TBC1D22B: variants seen among roughly 807,000 people sequenced by gnomAD.
TBC1D22B encodes TBC1 domain family member 22B, also known as chromosome 6 open reading frame 197.
A neutral mutation model predicts 69.1 loss-of-function variants in TBC1D22B; 32 were observed. That is an observed-to-expected ratio of 0.46 (90% confidence interval 0.35 to 0.62). The LOEUF (loss-of-function observed/expected upper bound fraction) is 0.62. Ranked by LOEUF, TBC1D22B falls within the 20% of genes least tolerant of loss-of-function variation. TBC1D22B has a pLI of 0.00. For synonymous variants in TBC1D22B, 206 were observed against 229.8 expected (o/e 0.90, Z 0.94); for missense variants, 462 against 630.9 (o/e 0.73, Z 2.87).
chr6:37,327,058 A>G (rs1768426547), intron 12 of TBC1D22B, among the ~76,000 whole-genome samples: 1 of 152,126 alleles, frequency 6.6e-6, no homozygotes, highest in Admixed American at 6.5e-5. Flanking sequence ...GTTGTGGGAT[A>G]GGGACATGGT....
At chr6:37,296,236 T>C (rs189707738) in intron 8 of TBC1D22B, among the ~76,000 whole-genome samples, 235 of 152,318 alleles carry the variant, frequency 1.5e-3, no homozygotes, top group African/African-American at 5.5e-3. Flanking sequence ...TACTCCTGCC[T>C]GGGCAACAGA....
chr6:37,294,491 T>A (rs1767293020), intron 8 of TBC1D22B, among the ~76,000 whole-genome samples: 1 of 152,152 alleles, frequency 6.6e-6, no homozygotes, highest in South Asian at 2.1e-4. Flanking sequence ...TCTAGGACTT[T>A]CATAGCTAGA....
intron 12 of TBC1D22B, chr6:37,324,163 T>A: frequency 1.0e-5 from 4 of 388,992 alleles, no homozygotes; most frequent in Non-Finnish European, 2.1e-5. Context: ...AAAGTTCCAG[T>A]ACTGCAAAGT....
At chr6:37,299,616 T>C (rs1468335184) in intron 8 of TBC1D22B, among the ~76,000 whole-genome samples, 2 of 152,220 alleles carry the variant, frequency 1.3e-5, no homozygotes, top group Non-Finnish European at 2.9e-5. Context: ...CACCAGATAA[T>C]TGCAAACTGT....
rs1767166114 is a variant in TBC1D22B, at chr6:37,291,164, T to C, written c.868-79T>C. On this transcript the variant is annotated intron_variant, in intron 7 of 12. Transcript: ENST00000373491. ...AATTCTACACCAACCTGGAGGTAAA[T>C]TGTGAAGTAGGTAAACGGAGGGAAG... The C allele has an allele frequency of 3.0e-6, 3 of 1,003,750 alleles. No homozygotes were observed. In the African/African-American group the frequency reaches 4.8e-5, roughly 16 times the overall value. 62.2% of individuals were successfully genotyped at this position (1,003,750 alleles called of 1,614,324 possible).
chr6:37,282,448 T>C (rs920400917), intron 4 of TBC1D22B, 84 bp downstream of exon 4: 3 of 1,431,790 alleles, frequency 2.1e-6, no homozygotes, highest in Non-Finnish European at 2.8e-6. Flanking sequence ...TCTTTATTCT[T>C]CCTTCTTTTA....
chr6:37,320,032 G>A (rs1387334254), intron 12 of TBC1D22B, among the ~76,000 whole-genome samples: 1 of 152,210 alleles, frequency 6.6e-6, no homozygotes, highest in Non-Finnish European at 1.5e-5. Context: ...AGGGCTAAAA[G>A]CCACGTTAAG....
intron 12 of TBC1D22B, among the ~76,000 whole-genome samples, chr6:37,325,021 T>A (rs1302070740): frequency 1.3e-5 from 2 of 152,238 alleles, no homozygotes; most frequent in African/African-American, 4.8e-5. Context: ...TTATACTGAT[T>A]ATCTTTGGTG....
At position 37,299,377 on chromosome 6, in the gene TBC1D22B, T is replaced by G. The variant is rs73730592; in HGVS notation, c.982+8020T>G. On this transcript the variant is annotated intron_variant, in intron 8 of 12. Transcript: ENST00000373491. ...AATTGTTAATACTCAACCTTTTTTT[T>G]ACCGCCCAACATGGGAATTTTATGT... 6.7e-3 allele frequency among the ~76,000 whole-genome samples: 1,015 copies of G among 152,366 alleles called. 11 individuals carry two copies. The highest frequency in any genetic ancestry group is 0.023 in the African/African-American group (954 of 41,584).
At chr6:37,317,835 G>T (rs2113786375) in intron 12 of TBC1D22B, among the ~76,000 whole-genome samples, 1 of 152,266 alleles carries the variant, frequency 6.6e-6, no homozygotes, top group Middle Eastern at 3.4e-3. Flanking sequence ...TCTAGGCAGA[G>T]GAAACAGCCA....
At chr6:37,321,049 G>T (rs1204223589) in intron 12 of TBC1D22B, among the ~76,000 whole-genome samples, 1 of 152,176 alleles carries the variant, frequency 6.6e-6, no homozygotes, top group Non-Finnish European at 1.5e-5. Context: ...ATTTCGTGAG[G>T]CTCAATCTAA....
chr6:37,298,694 C>T (rs892512470), intron 8 of TBC1D22B, among the ~76,000 whole-genome samples: 6 of 151,936 alleles, frequency 3.9e-5, no homozygotes, highest in African/African-American at 9.7e-5. Context: ...TACAGGCGCC[C>T]GCCACCACGC....
chr6:37,324,054 T>C (rs943033428), intron 12 of TBC1D22B, among the ~76,000 whole-genome samples: 1 of 152,260 alleles, frequency 6.6e-6, no homozygotes, highest in Admixed American at 6.5e-5. Context: ...AATGTTTTAC[T>C]ACCTCACTGA....
At chr6:37,268,371 G>A (rs367608019) in intron 1 of TBC1D22B, among the ~76,000 whole-genome samples, 195 of 152,206 alleles carry the variant, frequency 1.3e-3, no homozygotes, top group African/African-American at 4.5e-3. Flanking sequence ...TGAGGCTACA[G>A]ACGTGCAGCA....
At chr6:37,331,019 A>G (rs866046186) in intron 12 of TBC1D22B, 25 bp from the exon 13 acceptor site, 3 of 1,613,456 alleles carry the variant, frequency 1.9e-6, no homozygotes, top group Middle Eastern at 3.3e-4. Context: ...CTGGTATGAT[A>G]TAAAAGTCCT....
intron 1 of TBC1D22B, among the ~76,000 whole-genome samples, chr6:37,268,077 T>A (rs1414397910): frequency 6.6e-6 from 1 of 152,254 alleles, no homozygotes; most frequent in East Asian, 1.9e-4. Flanking sequence ...TCATGATTAG[T>A]TGAAGTTTGT....
At chr6:37,286,638 A>AT (rs1767015783) in intron 6 of TBC1D22B, among the ~76,000 whole-genome samples, 1 of 151,066 alleles carries the variant, frequency 6.6e-6, no homozygotes, top group Admixed American at 6.6e-5. Context: ...TTCTTTAAAA[A>AT]AAAATTGTCA....
chr6:37,282,789 A>C, intron 4 of TBC1D22B, 93 bp from the exon 5 acceptor site: 1 of 1,249,804 alleles, frequency 8.0e-7, no homozygotes, highest in Admixed American at 1.7e-5. Context: ...GTGGTCTTAC[A>C]TGGATGGAAG....
intron 8 of TBC1D22B, 123 bp downstream of exon 8, chr6:37,291,480 G>T: frequency 1.5e-6 from 1 of 653,228 alleles, no homozygotes; most frequent in South Asian, 2.2e-5. Context: ...GAGTGCCTTT[G>T]GCATACACAG....
Sources: gnomAD v4.1 joint callset for allele counts (sites outside exome capture counted in the v4.1 genomes callset) on GRCh38, gnomAD v4.1.1 for gene constraint, MANE v1.5 for transcripts, NCBI Gene and HGNC (gene_info 2026-07-23, HGNC 2026-07-21) for gene names.